Variants in VWDE observed in about 807,000 individuals in gnomAD.
VWDE encodes von Willebrand factor D and EGF domain-containing protein.
Under a neutral mutation model 178.4 loss-of-function variants are expected in VWDE, and 207 were observed. That is an observed-to-expected ratio of 1.16 (90% CI 1.04 to 1.30). The LOEUF is 1.30. Ranked by LOEUF, VWDE falls within the 50% of genes most tolerant of loss-of-function variation. The pLI is 0.00. For missense variants in VWDE, 2,287 were observed against 1,901.3 expected (o/e 1.20, Z -3.77); for synonymous variants, 738 against 651.4 (o/e 1.13, Z -2.02).
At chr7:12,349,717 T>C (rs181654667) in intron 19 of VWDE, among the ~76,000 whole-genome samples, 211 of 152,024 alleles carry the variant, frequency 1.4e-3, no homozygotes, top group African/African-American at 4.9e-3. Flanking sequence ...ATCTAAATGA[T>C]TATTTGAAAA....
chr7:12,398,031 A>G (rs940917266), intron 1 of VWDE, among the ~76,000 whole-genome samples: 5 of 152,208 alleles, frequency 3.3e-5, no homozygotes, highest in African/African-American at 1.2e-4. Context: ...AAAAAGAACT[A>G]TCATTCAACC....
intron 24 of VWDE, among the ~76,000 whole-genome samples, chr7:12,337,626 G>T (rs918505396): frequency 4.6e-5 from 7 of 152,120 alleles, no homozygotes; most frequent in African/African-American, 1.7e-4. Context: ...AAATAAGAAT[G>T]TGCCTGTTCT....
intron 19 of VWDE, among the ~76,000 whole-genome samples, chr7:12,345,565 G>A (rs114442351): frequency 1.5e-3 from 224 of 152,252 alleles, no homozygotes; most frequent in African/African-American, 5.2e-3. Flanking sequence ...TGTAATAGAT[G>A]ACACAAACTC....
chr7:12,379,367 A>AT (rs1419351003), intron 6 of VWDE, 110 bp downstream of exon 6: 1 of 657,264 alleles, frequency 1.5e-6, no homozygotes, highest in Non-Finnish European at 2.3e-6. Flanking sequence ...GGGTCTCAAC[A>AT]TTCCGATTCA....
chr7:12,393,156 T>C lies in VWDE; in HGVS notation c.243+438A>G, dbSNP rs901594482. On this transcript the variant is annotated intron_variant, in intron 2 of 28. Transcript: ENST00000275358. ...AAGAAATGAAGTGACAGGTAACAAC[T>C]GACAAAAACAAGCACTTTAGACACA... 2.6e-5 allele frequency among the ~76,000 whole-genome samples: 4 copies of C among 152,184 alleles called. No homozygotes were observed. The East Asian group carries it at 7.7e-4, about 29-fold the overall frequency.
chr7:12,373,034 G>A lies in VWDE; in HGVS notation c.1530C>T (p.Ser510=), dbSNP rs954798637. 5.8e-6 allele frequency: 9 copies of A among 1,550,934 alleles called. No individual in the cohort carries two copies. The highest frequency in any genetic ancestry group is 7.8e-6 in the Non-Finnish European group (9 of 1,146,648). ...RESQPYLFIK[S]QDVTRNIKIS... ...TCTTGATATTCCTGGTTACATCTTGGCTTTTTATGAACAAATATGGTTGTG... is the reference window on the plus strand; with the variant it reads ...TCTTGATATTCCTGGTTACATCTTGACTTTTTATGAACAAATATGGTTGTG... Residue 510 remains serine (S), a synonymous_variant, in exon 10 of 29, where the codon AGC becomes AGT. Coordinates refer to ENST00000275358, the MANE Select transcript of VWDE (RefSeq NM_001135924.3).
chr7:12,361,377 A>T lies in VWDE; in HGVS notation c.3043T>A (p.Trp1015Arg). 1 of 1,547,898 alleles carries T rather than the reference A, an allele frequency of 6.5e-7. No individual in the cohort carries two copies. Among genetic ancestry groups the T allele is most frequent in the Non-Finnish European group, 8.7e-7 (1 of 1,145,774 alleles). ...TTTTTATTTTTTACCTTCAACTGCC[A>T]CTTCCCAGTTGGTTTCCCACCCACC... is the stretch of plus-strand genomic sequence containing the variant. ...DLVGGKPTGK[W>R]QLKVSNDGYK... The change falls in exon 14 of 29, where the codon TGG becomes AGG. Residue 1015 changes from tryptophan (W) to arginine (R), a missense_variant. Trp to Arg is a moderately radical substitution (Grantham distance 101). Coordinates refer to ENST00000275358, the MANE Select transcript of VWDE (RefSeq NM_001135924.3).
At position 12,361,054 on chromosome 7, in the gene VWDE, T is replaced by C. The variant is rs1296375462; in HGVS notation, c.3159+93A>G. On this transcript the variant is annotated intron_variant, in intron 15 of 28. Coordinates refer to ENST00000275358, the MANE Select transcript of VWDE (RefSeq NM_001135924.3). ...CTTTTCTCTATTAGTTTTTCTGGTATAAAAGTGAAAAAACTACAATTAATG... is the reference window on the plus strand; with the variant it reads ...CTTTTCTCTATTAGTTTTTCTGGTACAAAAGTGAAAAAACTACAATTAATG... 8 of 752,468 alleles carry C rather than the reference T, an allele frequency of 1.1e-5. No individual in the cohort carries two copies. The East Asian group carries it at 1.2e-4, about 11-fold the overall frequency. 46.6% of individuals were successfully genotyped at this position (752,468 alleles called of 1,614,324 possible).
chr7:12,374,933 G>A, intron 8 of VWDE, 77 bp downstream of exon 8: 2 of 1,397,052 alleles, frequency 1.4e-6, no homozygotes, highest in Non-Finnish European at 1.9e-6. Flanking sequence ...TACATAAAAA[G>A]TTTATAAGAC....
intron 1 of VWDE, among the ~76,000 whole-genome samples, chr7:12,401,955 C>G (rs1279840503): frequency 6.6e-6 from 1 of 152,150 alleles, no homozygotes; most frequent in Non-Finnish European, 1.5e-5. Context: ...GAACATTATT[C>G]TATCTTAAAA....
intron 10 of VWDE, among the ~76,000 whole-genome samples, 192 bp downstream of exon 10, chr7:12,372,785 C>T (rs1783277150): frequency 6.6e-6 from 1 of 152,068 alleles, no homozygotes; most frequent in African/African-American, 2.4e-5. Context: ...TTAGATTTTA[C>T]ATGGTTTTAA....
intron 7 of VWDE, 81 bp from the exon 8 acceptor site, chr7:12,375,308 C>T: frequency 9.7e-7 from 1 of 1,033,634 alleles, no homozygotes; most frequent in South Asian, 1.6e-5. Context: ...TAACATGAAA[C>T]ACTGAATTGT....
chr7:12,390,116 G>C (rs1387930555), intron 2 of VWDE, among the ~76,000 whole-genome samples: 2 of 149,936 alleles, frequency 1.3e-5, no homozygotes, highest in Non-Finnish European at 2.9e-5. Flanking sequence ...AGTGAGCTGA[G>C]ATCGCACCAC....
chr7:12,370,523 A>C lies in VWDE; in HGVS notation c.1797-14T>G. On this transcript the variant is annotated splice_polypyrimidine_tract_variant and intron_variant, in intron 11 of 28. Coordinates refer to ENST00000275358, the MANE Select transcript of VWDE (RefSeq NM_001135924.3). ...CCTGGTAAAATCCTTCCAGATGGAA[A>C]ACAGGAAAGAATAGTAATTTTGTAC... The C allele has an allele frequency of 6.5e-7, 1 of 1,533,662 alleles. No homozygotes were observed. The highest frequency in any genetic ancestry group is 1.2e-5 in the South Asian group (1 of 82,636).
In VWDE at chr7:12,374,661, C is replaced by G. The variant is rs559899175; in HGVS notation, c.1316+28G>C. The G allele has an allele frequency of 2.2e-4, 319 of 1,454,216 alleles. 1 individual carries two copies. In the South Asian group the frequency reaches 3.7e-3, roughly 17 times the overall value. The allele number at this position is 1,454,216 out of a possible 1,614,324, so 90.1% of individuals were successfully genotyped here. ...AACAAAATCAAAGCAAACAAAACTA[C>G]TAAAAGAAGAAACTTTCAGAAAATT... On this transcript the variant is annotated intron_variant, in intron 9 of 28. Transcript: ENST00000275358.
At chr7:12,361,069 T>G (rs1562484904) in intron 15 of VWDE, 78 bp downstream of exon 15, 1 of 881,216 alleles carries the variant, frequency 1.1e-6, no homozygotes, top group East Asian at 2.8e-5. Flanking sequence ...GTGAAAAAAC[T>G]ACAATTAATG....
At chr7:12,371,640 T>G (rs1783205493) in intron 10 of VWDE, among the ~76,000 whole-genome samples, 1 of 152,176 alleles carries the variant, frequency 6.6e-6, no homozygotes, top group African/African-American at 2.4e-5. Flanking sequence ...TACATTAAAT[T>G]ATTTTAAAAA....
rs1223314932 is a variant in VWDE at position 12,393,691 on chromosome 7, G to A, written c.146C>T (p.Ala49Val). The part of the protein sequence containing the change: ...RFDSWHLQQS[A>V]VQDLICDHSL... The stretch of plus-strand genomic sequence containing the variant: ...ATGGTCACATATTAGGTCTTGAACA[G>A]CTGACTGCTGGAGGTGCCATGAGTC... The change falls in exon 2 of 29, where the codon GCT (alanine) becomes GTT (valine). Residue 49 changes from alanine to valine, a missense_variant. Coordinates refer to ENST00000275358, the MANE Select transcript of VWDE (RefSeq NM_001135924.3). The A allele has an allele frequency of 1.3e-6, 2 of 1,551,260 alleles. No individual in the cohort carries two copies. The highest frequency in any genetic ancestry group is 1.4e-5 in the African/African-American group (1 of 73,116).
chr7:12,347,886 A>T (rs1218006529), intron 19 of VWDE, among the ~76,000 whole-genome samples: 2 of 152,136 alleles, frequency 1.3e-5, no homozygotes, highest in Admixed American at 6.5e-5. Context: ...ATATAGATCA[A>T]TAGAACAGAA....
Sources: gnomAD v4.1 joint callset for allele counts (sites outside exome capture counted in the v4.1 genomes callset) on GRCh38, gnomAD v4.1.1 for gene constraint, MANE v1.5 for transcripts, NCBI Gene and HGNC (gene_info 2026-07-23, HGNC 2026-07-21) for gene names.